Variants in WDR72 observed in about 807,000 individuals in gnomAD.
WDR72 encodes the protein WD repeat-containing protein 72.
A neutral mutation model predicts 124.2 loss-of-function variants in WDR72; 120 were observed. That is an observed-to-expected ratio of 0.97 (90% CI 0.83 to 1.12). The LOEUF (loss-of-function observed/expected upper bound fraction) is 1.12. WDR72 is among the 50% of genes most tolerant of loss of function. WDR72 has a pLI of 0.00. For missense variants in WDR72, 1,387 were observed against 1,278.8 expected, an observed-to-expected ratio of 1.08 and a Z score of -1.29; for synonymous variants, 452 against 441.7, an observed-to-expected ratio of 1.02 and a Z score of -0.29.
intron 3 of WDR72, 75 bp downstream of exon 3, chr15:53,722,727 A>T: frequency 7.5e-7 from 1 of 1,328,738 alleles, no homozygotes; most frequent in Non-Finnish European, 1.1e-6. Flanking sequence ...CTTCAGCCCT[A>T]AAATTGTATT....
chr15:53,551,340 G>C (rs1384645092), intron 18 of WDR72, among the ~76,000 whole-genome samples: 3 of 152,084 alleles, frequency 2.0e-5, no homozygotes, highest in African/African-American at 7.2e-5. Context: ...AATAATTCAC[G>C]CAGAATTGGC....
rs527736318 is a variant in WDR72 at position 53,644,092 on chromosome 15, T to C, written c.1962+21480A>G. Among the ~76,000 whole-genome samples, 50 of 152,270 alleles carry C rather than the reference T, an allele frequency of 3.3e-4. No individual in the cohort carries two copies. The South Asian group carries it at 9.3e-3, about 28-fold the overall frequency. On this transcript the variant is annotated intron_variant, in intron 14 of 19. Coordinates refer to ENST00000360509, the MANE Select transcript of WDR72 (RefSeq NM_182758.4). ...TTCTATTGTGATTTGATGAAAACAG[T>C]GTATCCATCAGCCTTGAAATCAAGT... is the stretch of plus-strand genomic sequence containing the variant.
intron 18 of WDR72, among the ~76,000 whole-genome samples, chr15:53,559,207 G>A (rs912709317): frequency 4.6e-5 from 7 of 151,528 alleles, no homozygotes; most frequent in African/African-American, 1.7e-4. Context: ...TTTTGCTACT[G>A]CCATAGTAGC....
intron 13 of WDR72, among the ~76,000 whole-genome samples, chr15:53,688,294 G>C (rs1317584962): frequency 1.3e-4 from 20 of 148,940 alleles, no homozygotes; most frequent in African/African-American, 4.9e-4. Context: ...CAGACGACAT[G>C]ATTGTATATC....
At position 53,575,613 on chromosome 15, in the gene WDR72, C is replaced by G. The variant is rs953159078; in HGVS notation, c.3148+21466G>C. On this transcript the variant is annotated intron_variant, in intron 18 of 19. Coordinates refer to ENST00000360509, the MANE Select transcript of WDR72 (RefSeq NM_182758.4). ...CAGGTCATATATTGTAGAAGGGAAA[C>G]TGAACTCAGTTTTCTAATCTGTAAA... Among the ~76,000 whole-genome samples, 3 of 152,090 alleles carry G rather than the reference C, an allele frequency of 2.0e-5. No individual in the cohort carries two copies. The East Asian group carries it at 5.8e-4, about 29-fold the overall frequency.
At chr15:53,545,292 A>C (rs1244220361) in intron 18 of WDR72, among the ~76,000 whole-genome samples, 3 of 151,582 alleles carry the variant, frequency 2.0e-5, no homozygotes, top group Non-Finnish European at 2.9e-5. Context: ...CCAAAACAGC[A>C]TGGTACTGGT....
chr15:53,643,793 A>G (rs1311585726), intron 14 of WDR72, among the ~76,000 whole-genome samples: 1 of 152,014 alleles, frequency 6.6e-6, no homozygotes, highest in East Asian at 1.9e-4. Flanking sequence ...TCAACAACTT[A>G]CCATTTCCAT....
chr15:53,644,431 G>C (rs77497881), intron 14 of WDR72, among the ~76,000 whole-genome samples: 2 of 151,800 alleles, frequency 1.3e-5, no homozygotes, highest in African/African-American at 2.4e-5. Context: ...TTTTTAAGCC[G>C]ATTAACTAAA....
In WDR72 at chr15:53,514,183, G is replaced by T. The variant is rs1213097035; in HGVS notation, c.*3516C>A. 1 of 152,132 alleles carries T rather than the reference G, an allele frequency of 6.6e-6. No homozygotes were observed. Among genetic ancestry groups the T allele is most frequent in the Non-Finnish European group, 1.5e-5 (1 of 68,016 alleles). The allele number at this position is 152,132 out of a possible 1,614,324, so 9.4% of individuals were successfully genotyped here. ...ATTATGCAAATGTTTACAAAGCAAT[G>T]ACTTTCTTAGGAAATTAAACACAAC... On this transcript the variant is annotated 3_prime_UTR_variant, in exon 20 of 20. Transcript: ENST00000360509.
At chr15:53,720,108 A>T (rs2017832864) in intron 3 of WDR72, among the ~76,000 whole-genome samples, 1 of 151,974 alleles carries the variant, frequency 6.6e-6, no homozygotes. Flanking sequence ...CCATTTTTTA[A>T]AAAAAATTGT....
At chr15:53,740,584 C>T (rs774212883) in intron 1 of WDR72, among the ~76,000 whole-genome samples, 2 of 152,150 alleles carry the variant, frequency 1.3e-5, no homozygotes, top group Non-Finnish European at 2.9e-5. Context: ...GCGTGAGCCA[C>T]GATTCAACTA....
chr15:53,749,332 G>A (rs2140892694), intron 1 of WDR72, among the ~76,000 whole-genome samples: 1 of 152,148 alleles, frequency 6.6e-6, no homozygotes, highest in South Asian at 2.1e-4. Context: ...TATATCTGTT[G>A]TGGTGGTCTG....
At chr15:53,547,987 A>T (rs1893557966) in intron 18 of WDR72, among the ~76,000 whole-genome samples, 1 of 152,256 alleles carries the variant, frequency 6.6e-6, no homozygotes, top group Non-Finnish European at 1.5e-5. Flanking sequence ...CCAAAGGTTG[A>T]TGACGTCTTT....
Position 53,705,054 on chromosome 15 carries a change from T to C in WDR72, c.1282A>G (p.Ile428Val). 6.2e-7 allele frequency: 1 copy of C among 1,614,082 alleles called. No individual in the cohort carries two copies. Among genetic ancestry groups the C allele is most frequent in the Non-Finnish European group, 8.5e-7 (1 of 1,179,994 alleles). ...KLICGCEDGT[I>V]IITQALNAAK... ...GCATTCAAAGCCTGGGTAATGATAA[T>C]TGTCCCATCTTCACAGCCACATATT... The change falls in exon 11 of 20, where the codon ATT (isoleucine) becomes GTT (valine). Residue 428 changes from isoleucine (I) to valine (V), a missense_variant. Transcript: ENST00000360509.
intron 18 of WDR72, among the ~76,000 whole-genome samples, chr15:53,569,617 C>G (rs72745158): frequency 2.9e-4 from 44 of 152,114 alleles, no homozygotes; most frequent in Non-Finnish European, 5.6e-4. Context: ...TATTTGCATT[C>G]ACAAGACCAA....
At position 53,516,687 on chromosome 15, in the gene WDR72, A is replaced by G. The variant is rs1359321487; in HGVS notation, c.*1012T>C. ...CATAGATAGATAGATATAGCTATAT[A>G]TCACATATTTAATACTTTATATCCT... is the stretch of plus-strand genomic sequence containing the variant. On this transcript the variant is annotated 3_prime_UTR_variant, in exon 20 of 20. Transcript: ENST00000360509. The G allele has an allele frequency of 6.6e-6, 1 of 152,082 alleles. No individual in the cohort carries two copies. The highest frequency in any genetic ancestry group is 1.5e-5 in the Non-Finnish European group (1 of 67,984). 9.4% of individuals were successfully genotyped at this position (152,082 alleles called of 1,614,324 possible). A position where few individuals can be genotyped will look rare whatever the true frequency, so the allele number is the denominator to read the frequency against.
intron 18 of WDR72, among the ~76,000 whole-genome samples, chr15:53,527,911 T>G (rs1595730997): frequency 6.6e-6 from 1 of 152,150 alleles, no homozygotes; most frequent in East Asian, 1.9e-4. Flanking sequence ...CCATCCTGCT[T>G]TATAATTCAG....
Position 53,619,822 on chromosome 15 carries a change from T to C in WDR72, c.1963-3579A>G, listed in dbSNP as rs545922267. The stretch of plus-strand genomic sequence containing the variant: ...CCTCTAAGAATTTCTGTAAATTTCT[T>C]GTTAATTCTAATATGCATTATTTTC... On this transcript the variant is annotated intron_variant, in intron 14 of 19. Coordinates refer to ENST00000360509, the MANE Select transcript of WDR72 (RefSeq NM_182758.4). Among the ~76,000 whole-genome samples, 112 of 152,220 alleles carry C rather than the reference T, an allele frequency of 7.4e-4. 1 individual carries two copies. Among genetic ancestry groups the C allele is most frequent in the African/African-American group, 2.6e-3 (110 of 41,552 alleles).
intron 18 of WDR72, among the ~76,000 whole-genome samples, chr15:53,585,609 C>T (rs1359637170): frequency 6.6e-6 from 1 of 152,004 alleles, no homozygotes; most frequent in Non-Finnish European, 1.5e-5. Flanking sequence ...TTTCAGCAGA[C>T]TCACTTATCA....
Sources: allele counts gnomAD v4.1 joint callset (sites outside exome capture counted in the v4.1 genomes callset), GRCh38; gene constraint gnomAD v4.1.1; transcripts MANE v1.5; gene names NCBI Gene and HGNC (gene_info 2026-07-23, HGNC 2026-07-21).